The following FOXP2 variants were observed in gnomAD, a reference collection of about 807,000 sequenced individuals.
FOXP2 encodes forkhead box P2.
In FOXP2, 12 loss-of-function variants were observed where a neutral mutation model predicts 115.8. The observed-to-expected ratio is 0.10, with a 90% confidence interval of 0.07 to 0.17. The LOEUF (loss-of-function observed/expected upper bound fraction) is 0.17. Ranked by LOEUF, FOXP2 falls within the 10% of genes least tolerant of loss-of-function variation. FOXP2 has a pLI of 1.00. For synonymous variants in FOXP2, 328 were observed against 297.7 expected (o/e 1.10, Z -1.05); for missense variants, 629 against 843.5 (o/e 0.75, Z 3.15).
chr7:114,381,251 C>T (rs10259672), intron 2 of FOXP2, among the ~76,000 whole-genome samples: 54,901 of 151,980 alleles, frequency 0.36, 10,510 homozygotes, highest in African/African-American at 0.43. Context: ...ATAATTTTAG[C>T]GCTAAGTATT....
At chr7:114,457,365 G>A (rs918940551) in intron 2 of FOXP2, among the ~76,000 whole-genome samples, 1 of 151,602 alleles carries the variant, frequency 6.6e-6, no homozygotes, top group Admixed American at 6.6e-5. Context: ...CTCCTTTAAA[G>A]GTTAAGTTCT....
intron 2 of FOXP2, among the ~76,000 whole-genome samples, chr7:114,319,154 TG>T (rs1377584647): frequency 5.3e-5 from 1 of 18,692 alleles, no homozygotes; most frequent in African/African-American, 2.2e-4. Flanking sequence ...GGACCTGTGA[TG>T]GGGGGTTGGG....
chr7:114,336,554 A>T (rs1438337281), intron 2 of FOXP2, among the ~76,000 whole-genome samples: 1 of 151,538 alleles, frequency 6.6e-6, no homozygotes, highest in Non-Finnish European at 1.5e-5. Context: ...CTAGAAATCC[A>T]TCTTGAAATA....
At chr7:114,214,461 G>T (rs1197960832) in intron 1 of FOXP2, among the ~76,000 whole-genome samples, 1 of 152,184 alleles carries the variant, frequency 6.6e-6, no homozygotes, top group Non-Finnish European at 1.5e-5. Flanking sequence ...AACCAAAGAA[G>T]TAACTGTGTA....
At chr7:114,469,555 G>T (rs1795954680) in intron 2 of FOXP2, among the ~76,000 whole-genome samples, 1 of 152,056 alleles carries the variant, frequency 6.6e-6, no homozygotes, top group East Asian at 1.9e-4. Context: ...AAATATCCGT[G>T]ACTATGTTTA....
intron 2 of FOXP2, among the ~76,000 whole-genome samples, chr7:114,493,203 T>G (rs1797150074): frequency 2.0e-5 from 3 of 152,212 alleles, no homozygotes; most frequent in African/African-American, 7.2e-5. Context: ...TGGTTTAAAG[T>G]CTGTTTTATC....
In FOXP2 at chr7:114,693,580, GT is replaced by G. The variant is rs751379234; in HGVS notation, c.*3661del. 220 of 452,928 alleles carry G rather than the reference GT, an allele frequency of 4.9e-4. 2 individuals are homozygous for G. The highest frequency in any genetic ancestry group is 3.6e-3 in the African/African-American group (179 of 49,994). 28.1% of individuals were successfully genotyped at this position (452,928 alleles called of 1,614,324 possible). A position where few individuals can be genotyped will look rare whatever the true frequency, so the allele number is the denominator to read the frequency against. ...TCACTAGTTCAGGTTGCAACGAAAG[GT>G]TTTTTTGTCCATGAACACTTGGCAT... On this transcript the variant is annotated 3_prime_UTR_variant, in exon 17 of 17. Transcript: ENST00000350908.
At chr7:114,459,935 A>T (rs961599446) in intron 2 of FOXP2, among the ~76,000 whole-genome samples, 3 of 152,088 alleles carry the variant, frequency 2.0e-5, no homozygotes, top group African/African-American at 7.2e-5. Flanking sequence ...TATTTTTAAA[A>T]ACCATTGCTT....
intron 3 of FOXP2, among the ~76,000 whole-genome samples, chr7:114,615,862 A>G (rs1006407620): frequency 4.6e-5 from 7 of 152,186 alleles, no homozygotes; most frequent in African/African-American, 1.4e-4. Flanking sequence ...CTTTGATCCT[A>G]TCAGTTCATG....
At chr7:114,099,529 C>G (rs778248990) in intron 1 of FOXP2, among the ~76,000 whole-genome samples, 8 of 152,000 alleles carry the variant, frequency 5.3e-5, no homozygotes, top group Non-Finnish European at 7.4e-5. Flanking sequence ...AGGCATATAC[C>G]CAAAGGAAAT....
chr7:114,185,343 C>G (rs561434033), intron 1 of FOXP2, among the ~76,000 whole-genome samples: 1 of 152,056 alleles, frequency 6.6e-6, no homozygotes, highest in African/African-American at 2.4e-5. Context: ...CTTTATTCCC[C>G]GTTCTGACAA....
At chr7:114,686,522 C>T (rs570144648) in intron 16 of FOXP2, among the ~76,000 whole-genome samples, 6 of 152,236 alleles carry the variant, frequency 3.9e-5, no homozygotes, top group Admixed American at 6.5e-5. Flanking sequence ...GAGGCCACTA[C>T]GGAAATATCA....
chr7:114,539,042 G>C (rs939768355), intron 3 of FOXP2, among the ~76,000 whole-genome samples: 2 of 151,618 alleles, frequency 1.3e-5, no homozygotes, highest in African/African-American at 2.4e-5. Flanking sequence ...GAAATGTTTT[G>C]ATATAATGCA....
At chr7:114,539,882 C>A (rs2129280557) in intron 3 of FOXP2, among the ~76,000 whole-genome samples, 1 of 152,064 alleles carries the variant, frequency 6.6e-6, no homozygotes, top group East Asian at 1.9e-4. Context: ...GAAGCCTGCC[C>A]TTGCCATTAA....
intron 16 of FOXP2, among the ~76,000 whole-genome samples, chr7:114,677,176 A>AC (rs200107137): frequency 0.014 from 2,027 of 142,438 alleles, 30 homozygotes; most frequent in African/African-American, 0.038. Context: ...AAAAAACAAA[A>AC]AAAAAAAAAA....
intron 1 of FOXP2, among the ~76,000 whole-genome samples, chr7:114,142,523 T>C (rs1170082195): frequency 6.6e-6 from 1 of 152,188 alleles, no homozygotes; most frequent in Non-Finnish European, 1.5e-5. Flanking sequence ...TAGAATAATT[T>C]CCAGAAGGTC....
chr7:114,411,016 C>A (rs560030595), upstream of FOXP2, among the ~76,000 whole-genome samples: 4 of 152,048 alleles, frequency 2.6e-5, no homozygotes, highest in Admixed American at 2.0e-4. Context: ...GCACTCTCAG[C>A]GAACTTAGTG....
chr7:114,258,098 G>C (rs1039154992), intron 1 of FOXP2, among the ~76,000 whole-genome samples: 1 of 152,156 alleles, frequency 6.6e-6, no homozygotes, highest in East Asian at 1.9e-4. Context: ...GTTTGCTGCT[G>C]TATTGAGAAT....
Position 114,637,680 on chromosome 7 carries a change from A to G in FOXP2, c.776-4730A>G, listed in dbSNP as rs80133550. Among the ~76,000 whole-genome samples, 1,200 of 152,244 alleles carry G rather than the reference A, an allele frequency of 7.9e-3. 13 individuals are homozygous for G. Among genetic ancestry groups the G allele is most frequent in the African/African-American group, 0.027 (1,130 of 41,540 alleles). On this transcript the variant is annotated intron_variant, in intron 6 of 16. Transcript: ENST00000350908. ...GGCAGATGATAAATAAGTTAAGTAA[A>G]ATATATAGTGGTGAGCGCTAAGGAG... is the stretch of plus-strand genomic sequence containing the variant.
Sources: allele counts gnomAD v4.1 joint callset (sites outside exome capture counted in the v4.1 genomes callset), GRCh38; gene constraint gnomAD v4.1.1; transcripts MANE v1.5; gene names NCBI Gene and HGNC (gene_info 2026-07-23, HGNC 2026-07-21).